Variants in CCDC178 observed in about 807,000 individuals in gnomAD.
The protein encoded by CCDC178 is coiled-coil domain-containing protein 178.
Under a neutral mutation model 117.4 loss-of-function variants are expected in CCDC178, and 126 were observed. That is an observed-to-expected ratio of 1.07 (90% CI 0.93 to 1.24). The LOEUF (loss-of-function observed/expected upper bound fraction) is 1.24. CCDC178 is among the 50% of genes most tolerant of loss of function. The pLI, the probability that CCDC178 is intolerant of heterozygous loss-of-function variation, is 0.00. For missense variants in CCDC178, 1,030 were observed against 986.9 expected, an observed-to-expected ratio of 1.04 and a Z score of -0.59; for synonymous variants, 283 against 313.4, an observed-to-expected ratio of 0.90 and a Z score of 1.02.
chr18:32,962,540 T>A (rs1012490949), intron 22 of CCDC178, among the ~76,000 whole-genome samples: 1 of 152,112 alleles, frequency 6.6e-6, no homozygotes, highest in Non-Finnish European at 1.5e-5. Flanking sequence ...TCTGGGCTGA[T>A]TGTTTTTGTA....
At chr18:33,216,296 C>T (rs1052716922) in intron 18 of CCDC178, among the ~76,000 whole-genome samples, 4 of 151,754 alleles carry the variant, frequency 2.6e-5, no homozygotes, top group East Asian at 1.9e-4. Context: ...CATTGGCAGG[C>T]GGACAAGGAT....
chr18:33,437,002 T>C (rs2064301346), intron 2 of CCDC178, among the ~76,000 whole-genome samples: 1 of 152,216 alleles, frequency 6.6e-6, no homozygotes, highest in South Asian at 2.1e-4. Context: ...TGTTATGCTA[T>C]ATCCTTTGCC....
chr18:33,422,276 A>G (rs1406904686), intron 2 of CCDC178, among the ~76,000 whole-genome samples: 4 of 151,996 alleles, frequency 2.6e-5, no homozygotes, highest in Non-Finnish European at 5.9e-5. Context: ...TTTTTCCCCA[A>G]TATTATGATC....
chr18:33,330,099 C>T (rs1292553559), intron 10 of CCDC178, among the ~76,000 whole-genome samples: 1 of 151,732 alleles, frequency 6.6e-6, no homozygotes, highest in East Asian at 1.9e-4. Flanking sequence ...TTTTTACTAT[C>T]TCAATGTATG....
At chr18:33,066,914 C>T in intron 21 of CCDC178, among the ~76,000 whole-genome samples, 1 of 152,082 alleles carries the variant, frequency 6.6e-6, no homozygotes, top group East Asian at 1.9e-4. Context: ...TTGGAGACTT[C>T]AACACCCCAC....
intron 4 of CCDC178, among the ~76,000 whole-genome samples, chr18:33,394,678 G>A (rs1190646937): frequency 6.6e-6 from 1 of 151,262 alleles, no homozygotes; most frequent in African/African-American, 2.4e-5. Context: ...TTTTCCTTAA[G>A]CATATCTTGG....
chr18:33,190,245 T>C (rs976611558), intron 20 of CCDC178, among the ~76,000 whole-genome samples: 4 of 152,202 alleles, frequency 2.6e-5, no homozygotes, highest in African/African-American at 9.6e-5. Flanking sequence ...CTCCAGTTTC[T>C]CTTTCCAGAT....
chr18:33,126,995 A>T lies in CCDC178; in HGVS notation c.2239-34085T>A, dbSNP rs1471250671. ...TTTATCTGCATTTGGTTAAAAAAAAAAAATATATATATATATATATACACA... is the reference window on the plus strand; with the variant it reads ...TTTATCTGCATTTGGTTAAAAAAAATAAATATATATATATATATATACACA... On this transcript the variant is annotated intron_variant, in intron 20 of 22. Coordinates refer to ENST00000383096, the MANE Select transcript of CCDC178 (RefSeq NM_001105528.4). 2.1e-3 allele frequency among the ~76,000 whole-genome samples: 287 copies of T among 138,040 alleles called. 3 individuals are homozygous for T. The highest frequency in any genetic ancestry group is 7.4e-3 in the Middle Eastern group (2 of 270). 90.6% of individuals were successfully genotyped at this position (138,040 alleles called of 152,430 possible). A position where few individuals can be genotyped will look rare whatever the true frequency, so the allele number is the denominator to read the frequency against.
At chr18:33,245,023 A>G (rs979275782) in intron 15 of CCDC178, among the ~76,000 whole-genome samples, 1 of 151,928 alleles carries the variant, frequency 6.6e-6, no homozygotes, top group Non-Finnish European at 1.5e-5. Context: ...ATAATAGCAA[A>G]AAGTAGAAAC....
intron 21 of CCDC178, among the ~76,000 whole-genome samples, chr18:33,010,964 C>T (rs2055851644): frequency 6.6e-6 from 1 of 152,144 alleles, no homozygotes; most frequent in South Asian, 2.1e-4. Context: ...GCATATGTTA[C>T]AATTCCTGAA....
intron 18 of CCDC178, among the ~76,000 whole-genome samples, chr18:33,216,256 C>T (rs1852536160): frequency 6.6e-6 from 1 of 152,050 alleles, no homozygotes. Context: ...GCAAACATGT[C>T]GTCACTGGTT....
At chr18:33,222,806 T>C (rs955382180) in intron 18 of CCDC178, among the ~76,000 whole-genome samples, 1 of 152,044 alleles carries the variant, frequency 6.6e-6, no homozygotes, top group African/African-American at 2.4e-5. Context: ...GGAGACAGCA[T>C]GGCCATCACA....
intron 21 of CCDC178, among the ~76,000 whole-genome samples, chr18:33,087,614 A>G (rs1366919988): frequency 6.7e-6 from 1 of 149,020 alleles, no homozygotes; most frequent in Non-Finnish European, 1.5e-5. Context: ...TTGCATGTCC[A>G]CATGCCTGTG....
intron 6 of CCDC178, among the ~76,000 whole-genome samples, chr18:33,357,510 G>A (rs575240204): frequency 6.6e-6 from 1 of 152,186 alleles, no homozygotes; most frequent in African/African-American, 2.4e-5. Context: ...AGAAGTACAT[G>A]ACATCTATTG....
chr18:33,087,975 T>C (rs930288499), intron 21 of CCDC178, among the ~76,000 whole-genome samples: 7 of 152,146 alleles, frequency 4.6e-5, no homozygotes, highest in Non-Finnish European at 1.0e-4. Flanking sequence ...ATACAATTCT[T>C]TGAGAATTTA....
At chr18:33,276,814 T>C (rs2059956561) in intron 12 of CCDC178, among the ~76,000 whole-genome samples, 1 of 152,022 alleles carries the variant, frequency 6.6e-6, no homozygotes, top group Admixed American at 6.6e-5. Flanking sequence ...AATTAGAAAA[T>C]CCATTAATTT....
At chr18:33,351,488 C>T (rs191122304) in intron 7 of CCDC178, among the ~76,000 whole-genome samples, 10 of 152,158 alleles carry the variant, frequency 6.6e-5, no homozygotes, top group East Asian at 1.9e-4. Flanking sequence ...CCACTGTGCC[C>T]GGCCGTATAA....
At chr18:33,174,013 G>A (rs953963726) in intron 20 of CCDC178, among the ~76,000 whole-genome samples, 2 of 152,158 alleles carry the variant, frequency 1.3e-5, no homozygotes, top group African/African-American at 4.8e-5. Context: ...CTGAGACTGG[G>A]TAATTTATAA....
intron 14 of CCDC178, among the ~76,000 whole-genome samples, chr18:33,250,482 A>G (rs924587640): frequency 1.3e-5 from 2 of 151,740 alleles, no homozygotes; most frequent in Non-Finnish European, 2.9e-5. Flanking sequence ...GAAAATAAAC[A>G]TTAGTGCAGC....
Sources: gnomAD v4.1 joint callset for allele counts (sites outside exome capture counted in the v4.1 genomes callset) on GRCh38, gnomAD v4.1.1 for gene constraint, MANE v1.5 for transcripts, NCBI Gene and HGNC (gene_info 2026-07-23, HGNC 2026-07-21) for gene names.